SPRED1: variants seen among roughly 807,000 people sequenced by gnomAD.
The protein encoded by SPRED1 is sprouty related EVH1 domain containing 1, also known as sprouty-related, EVH1 domain-containing protein 1.
Under a neutral mutation model 52.3 loss-of-function variants are expected in SPRED1, and 18 were observed. The observed-to-expected ratio is 0.34, with a 90% confidence interval of 0.24 to 0.51. The LOEUF (loss-of-function observed/expected upper bound fraction) is 0.51, where lower values mean the gene tolerates loss of function less well. Ranked by LOEUF, SPRED1 falls within the 20% of genes least tolerant of loss-of-function variation. The pLI is 0.97. For missense variants in SPRED1, 485 were observed against 551.0 expected (o/e 0.88, Z 1.20); for synonymous variants, 155 against 179.7 (o/e 0.86, Z 1.10).
intron 1 of SPRED1, among the ~76,000 whole-genome samples, chr15:38,295,403 T>G (rs1024804302): frequency 6.6e-6 from 1 of 152,208 alleles, no homozygotes; most frequent in African/African-American, 2.4e-5. Flanking sequence ...TACTGAAAAG[T>G]GTAGCCAGTT....
chr15:38,349,670 T>C (rs893279148), intron 6 of SPRED1, 147 bp downstream of exon 6: 5 of 619,224 alleles, frequency 8.1e-6, no homozygotes, highest in Non-Finnish European at 1.4e-5. Context: ...GCTTAAACGC[T>C]GTTAGTTAAA....
chr15:38,281,429 G>A (rs2140964739), intron 1 of SPRED1, among the ~76,000 whole-genome samples: 1 of 152,214 alleles, frequency 6.6e-6, no homozygotes, highest in Middle Eastern at 3.4e-3. Context: ...GTCTCTGTCT[G>A]TCACCCAGCA....
At chr15:38,270,770 TTTC>T (rs1411184935) in intron 1 of SPRED1, among the ~76,000 whole-genome samples, 1 of 152,182 alleles carries the variant, frequency 6.6e-6, no homozygotes, top group Non-Finnish European at 1.5e-5. Flanking sequence ...AAGTTATTCC[TTTC>T]TTAATACTTG....
chr15:38,323,351 C>G (rs1895642735), intron 3 of SPRED1, among the ~76,000 whole-genome samples: 1 of 151,984 alleles, frequency 6.6e-6, no homozygotes, highest in Admixed American at 6.6e-5. Flanking sequence ...GAAAAAATTA[C>G]TATGAAGTAA....
intron 1 of SPRED1, among the ~76,000 whole-genome samples, chr15:38,264,920 A>G (rs2140952034): frequency 6.6e-6 from 1 of 152,318 alleles, no homozygotes; most frequent in Non-Finnish European, 1.5e-5. Flanking sequence ...AGACATGTAA[A>G]TAAACTATCC....
chr15:38,349,120 A>G (rs1162947885), intron 5 of SPRED1, among the ~76,000 whole-genome samples: 3 of 152,136 alleles, frequency 2.0e-5, no homozygotes, highest in Non-Finnish European at 1.5e-5. Context: ...TTGTGGTTGA[A>G]TAATATTCCA....
Position 38,277,621 on chromosome 15 carries a change from G to A in SPRED1, c.33-21752G>A, listed in dbSNP as rs10852014. ...TTTATGGTAGAATGATTTATATTCC[G>A]TTGGGTACTTACCCAGTAATGAAGT... On this transcript the variant is annotated intron_variant, in intron 1 of 6. Transcript: ENST00000299084. Among the ~76,000 whole-genome samples the A allele has an allele frequency of 1.5e-3, 233 of 152,184 alleles. No homozygotes were observed. In the Middle Eastern group the frequency reaches 0.027, roughly 18 times the overall value.
At chr15:38,340,700 T>A (rs991074451) in intron 5 of SPRED1, among the ~76,000 whole-genome samples, 45 of 152,156 alleles carry the variant, frequency 3.0e-4, no homozygotes, top group African/African-American at 8.9e-4. Context: ...ACGTGGCTAA[T>A]TTTTTTGTAG....
Position 38,354,176 on chromosome 15 carries a change from A to C in SPRED1, c.*2512A>C, listed in dbSNP as rs1888554079. On this transcript the variant is annotated 3_prime_UTR_variant, in exon 7 of 7. Coordinates refer to ENST00000299084, the MANE Select transcript of SPRED1 (RefSeq NM_152594.3). ...ATGGAAATTTTCTTTTGAGTAAATG[A>C]GAATTCCTTTGTGAAAGCAAATGGG... 1 of 152,334 alleles carries C rather than the reference A, an allele frequency of 6.6e-6. No individual in the cohort carries two copies. Among genetic ancestry groups the C allele is most frequent in the Non-Finnish European group, 1.5e-5 (1 of 68,036 alleles). 9.4% of individuals were successfully genotyped at this position (152,334 alleles called of 1,614,324 possible).
intron 1 of SPRED1, among the ~76,000 whole-genome samples, chr15:38,282,146 A>G (rs1894703725): frequency 6.6e-6 from 1 of 152,148 alleles, no homozygotes; most frequent in Admixed American, 6.5e-5. Flanking sequence ...CTTTCTGGGA[A>G]TGAGTGTTGG....
intron 1 of SPRED1, among the ~76,000 whole-genome samples, chr15:38,272,691 GTC>G (rs1894464723): frequency 6.6e-6 from 1 of 152,130 alleles, no homozygotes; most frequent in Non-Finnish European, 1.5e-5. Context: ...CCTTGCCAGA[GTC>G]TGTTATTTTT....
intron 1 of SPRED1, among the ~76,000 whole-genome samples, chr15:38,272,144 C>A (rs1309294160): frequency 2.0e-5 from 3 of 152,138 alleles, no homozygotes; most frequent in Non-Finnish European, 4.4e-5. Flanking sequence ...CTTTAACCCA[C>A]TGTTAATGGG....
intron 2 of SPRED1, among the ~76,000 whole-genome samples, chr15:38,310,144 TGTGTGTG>T (rs1895333908): frequency 2.9e-5 from 4 of 136,002 alleles, no homozygotes; most frequent in Admixed American, 7.9e-5. Flanking sequence ...TGTGTGTGTG[TGTGTGTG>T]TGTTTGGAGA....
chr15:38,347,410 ATAACT>A (rs1019560814), intron 5 of SPRED1, among the ~76,000 whole-genome samples: 39 of 149,192 alleles, frequency 2.6e-4, no homozygotes, highest in Non-Finnish European at 1.5e-5. Flanking sequence ...TAGCTCTATA[ATAACT>A]TAATATTTGT....
chr15:38,288,631 A>G (rs540036777), intron 1 of SPRED1, among the ~76,000 whole-genome samples: 8 of 152,312 alleles, frequency 5.3e-5, no homozygotes, highest in African/African-American at 9.6e-5. Context: ...GAAGAGAACT[A>G]TTATACTTAA....
intron 1 of SPRED1, among the ~76,000 whole-genome samples, chr15:38,290,778 A>G (rs1015548360): frequency 6.6e-6 from 1 of 152,110 alleles, no homozygotes; most frequent in African/African-American, 2.4e-5. Flanking sequence ...GACCAGCCCT[A>G]ATGATTCCAT....
chr15:38,354,965 TTTTA>T lies in SPRED1; in HGVS notation c.*3305_*3308del, dbSNP rs1303344173. On this transcript the variant is annotated 3_prime_UTR_variant, in exon 7 of 7. Coordinates refer to ENST00000299084, the MANE Select transcript of SPRED1 (RefSeq NM_152594.3). Reference sequence around the variant, plus strand: ...GAGTGTGTGTGTACGTTTTTCTCTCTTTTATTTGAGACGGAGTTTCACTCTTGTT... The same window carrying T: ...GAGTGTGTGTGTACGTTTTTCTCTCTTTTGAGACGGAGTTTCACTCTTGTT... 6.6e-6 allele frequency: 1 copy of T among 152,462 alleles called. No individual in the cohort carries two copies. The highest frequency in any genetic ancestry group is 1.5e-5 in the Non-Finnish European group (1 of 68,232). 9.4% of individuals were successfully genotyped at this position (152,462 alleles called of 1,614,324 possible).
At chr15:38,333,714 T>C (rs916719349) in intron 4 of SPRED1, among the ~76,000 whole-genome samples, 2 of 152,138 alleles carry the variant, frequency 1.3e-5, no homozygotes, top group Non-Finnish European at 2.9e-5. Flanking sequence ...AACTGGAACA[T>C]ATGTATATCC....
At chr15:38,320,744 A>C (rs1895584993) in intron 2 of SPRED1, among the ~76,000 whole-genome samples, 1 of 152,110 alleles carries the variant, frequency 6.6e-6, no homozygotes, top group African/African-American at 2.4e-5. Context: ...CTGTTTTCTT[A>C]TAGGGGATTC....
Sources: gnomAD v4.1 joint callset for allele counts (sites outside exome capture counted in the v4.1 genomes callset) on GRCh38, gnomAD v4.1.1 for gene constraint, MANE v1.5 for transcripts, NCBI Gene and HGNC (gene_info 2026-07-23, HGNC 2026-07-21) for gene names.